Variants in TNFRSF21 observed in about 807,000 individuals in gnomAD.
TNFRSF21 encodes the protein TNF receptor superfamily member 21, also known as tumor necrosis factor receptor superfamily member 21.
TNFRSF21 carries 19 observed loss-of-function variants against 45.6 expected under a neutral mutation model. The ratio of observed to expected loss-of-function variants is 0.42; its 90% CI spans 0.29 to 0.61. The LOEUF is 0.61. Ranked by LOEUF, TNFRSF21 falls within the 20% of genes least tolerant of loss-of-function variation. The pLI, the probability that TNFRSF21 is intolerant of heterozygous loss-of-function variation, is 0.23. For missense variants in TNFRSF21, 737 were observed against 851.5 expected, an observed-to-expected ratio of 0.87 and a Z score of 1.67; for synonymous variants, 314 against 335.5, an observed-to-expected ratio of 0.94 and a Z score of 0.70.
intron 4 of TNFRSF21, among the ~76,000 whole-genome samples, chr6:47,241,796 C>T (rs542190467): frequency 3.3e-5 from 5 of 152,176 alleles, no homozygotes; most frequent in African/African-American, 9.6e-5. Flanking sequence ...GAAAAATTCC[C>T]CAAACTTTTC....
chr6:47,299,602 G>A (rs1052876195), intron 1 of TNFRSF21, among the ~76,000 whole-genome samples: 1 of 152,054 alleles, frequency 6.6e-6, no homozygotes. Context: ...TGCAAATGTG[G>A]CTAACATAAC....
chr6:47,232,762 G>C lies in TNFRSF21; in HGVS notation c.*3C>G, dbSNP rs376942925. On this transcript the variant is annotated 3_prime_UTR_variant, in exon 6 of 6. Transcript: ENST00000296861. ...AATTTCCAGAATGCAGTATCCCTAT[G>C]TTCTACAGCAGGTCAGGAAGATGGC... is the stretch of plus-strand genomic sequence containing the variant. 6.2e-7 allele frequency: 1 copy of C among 1,613,534 alleles called. No individual in the cohort carries two copies. Among genetic ancestry groups the C allele is most frequent in the Non-Finnish European group, 8.5e-7 (1 of 1,179,576 alleles).
chr6:47,252,396 T>C (rs1413475548), intron 4 of TNFRSF21, among the ~76,000 whole-genome samples: 1 of 152,188 alleles, frequency 6.6e-6, no homozygotes, highest in Admixed American at 6.5e-5. Context: ...CTGTGGAAAA[T>C]ATGATTCAAT....
chr6:47,308,829 AG>A (rs1393874139), intron 1 of TNFRSF21, among the ~76,000 whole-genome samples: 1 of 152,212 alleles, frequency 6.6e-6, no homozygotes, highest in Admixed American at 6.5e-5. Flanking sequence ...AAGAGGGAAG[AG>A]AGAGGGTAAA....
rs138052828 is a variant in TNFRSF21, at chr6:47,286,236, C to G, written c.456G>C (p.Val152=). ...ATCAPHTVCP[V]GWGVRKKGTE... is the part of the protein sequence containing the mutation. ...TCCCTTTCTTCCGCACACCCCAACCCACAGGACACACCGTATGGGGGGCAC... is the reference window on the plus strand; with the variant it reads ...TCCCTTTCTTCCGCACACCCCAACCGACAGGACACACCGTATGGGGGGCAC... Residue 152 remains valine, a synonymous_variant, in exon 2 of 6, where the codon GTG becomes GTC. Transcript: ENST00000296861. 2.2e-5 allele frequency: 35 copies of G among 1,614,102 alleles called. No homozygotes were observed. The highest frequency in any genetic ancestry group is 2.7e-5 in the Non-Finnish European group (32 of 1,180,036).
chr6:47,293,011 GTTTACAATTA>G (rs1762749248), intron 1 of TNFRSF21, among the ~76,000 whole-genome samples: 1 of 152,280 alleles, frequency 6.6e-6, no homozygotes, highest in Admixed American at 6.5e-5. Context: ...CCCTCTAAGT[GTTTACAATTA>G]TTTCTGTCAA....
intron 4 of TNFRSF21, among the ~76,000 whole-genome samples, chr6:47,242,237 C>T (rs1308494786): frequency 6.6e-6 from 1 of 152,060 alleles, no homozygotes; most frequent in Non-Finnish European, 1.5e-5. Flanking sequence ...AAAAACACTC[C>T]CACTCACCCC....
At chr6:47,309,064 G>A (rs1448358930) in intron 1 of TNFRSF21, among the ~76,000 whole-genome samples, 1 of 152,204 alleles carries the variant, frequency 6.6e-6, no homozygotes, top group Non-Finnish European at 1.5e-5. Flanking sequence ...CGATGGGTGG[G>A]GGGCTGTGGC....
At chr6:47,307,525 C>T (rs934054059) in intron 1 of TNFRSF21, among the ~76,000 whole-genome samples, 1 of 152,020 alleles carries the variant, frequency 6.6e-6, no homozygotes, top group East Asian at 1.9e-4. Flanking sequence ...CATACAGGCG[C>T]ACACCACCGC....
intron 4 of TNFRSF21, among the ~76,000 whole-genome samples, chr6:47,240,766 C>G (rs1415964136): frequency 6.6e-6 from 1 of 152,082 alleles, no homozygotes; most frequent in African/African-American, 2.4e-5. Context: ...GATGACTGCG[C>G]TAAGATAAAT....
In TNFRSF21 at chr6:47,240,872, T is replaced by TA. The variant is rs149491182; in HGVS notation, c.1510-5975dup. Among the ~76,000 whole-genome samples the TA allele has an allele frequency of 6.4e-4, 98 of 152,290 alleles. 1 individual carries two copies. The East Asian group carries it at 0.018, about 28-fold the overall frequency. Reference sequence around the variant, plus strand: ...AGATCCCAACAGACAAGTGGCTGGTTAAAAAAACAAACAAACAAATTCAAT... The same window carrying TA: ...AGATCCCAACAGACAAGTGGCTGGTTAAAAAAAACAAACAAACAAATTCAAT... On this transcript the variant is annotated intron_variant, in intron 4 of 5. Transcript: ENST00000296861.
intron 4 of TNFRSF21, among the ~76,000 whole-genome samples, chr6:47,239,922 G>A (rs745927864): frequency 7.9e-5 from 12 of 151,576 alleles, no homozygotes; most frequent in African/African-American, 1.2e-4. Flanking sequence ...CCTGCTCAAC[G>A]AAAGTTTACC....
intron 4 of TNFRSF21, among the ~76,000 whole-genome samples, chr6:47,235,348 T>C (rs767739954): frequency 2.6e-5 from 4 of 152,014 alleles, no homozygotes; most frequent in Non-Finnish European, 5.9e-5. Context: ...TACAGTAAAA[T>C]GAGGTCTTTA....
intron 4 of TNFRSF21, among the ~76,000 whole-genome samples, chr6:47,239,476 T>G (rs1188426531): frequency 6.6e-6 from 1 of 152,054 alleles, no homozygotes; most frequent in Non-Finnish European, 1.5e-5. Flanking sequence ...CTTCCAAATT[T>G]TATTCATGAC....
At chr6:47,291,487 C>T (rs550589281) in intron 1 of TNFRSF21, among the ~76,000 whole-genome samples, 30 of 152,188 alleles carry the variant, frequency 2.0e-4, no homozygotes, top group African/African-American at 7.2e-4. Context: ...AATGGAGAGA[C>T]GGTGACAGAT....
intron 1 of TNFRSF21, among the ~76,000 whole-genome samples, chr6:47,303,666 T>C (rs916226813): frequency 1.3e-5 from 2 of 152,206 alleles, no homozygotes; most frequent in African/African-American, 2.4e-5. Context: ...CTCACTGATA[T>C]CTGCCAGGTT....
intron 3 of TNFRSF21, among the ~76,000 whole-genome samples, chr6:47,268,434 G>A (rs1437983460): frequency 6.6e-6 from 1 of 152,182 alleles, no homozygotes; most frequent in Non-Finnish European, 1.5e-5. Context: ...CTGAGTTAAA[G>A]TCAGAGAATG....
intron 3 of TNFRSF21, among the ~76,000 whole-genome samples, chr6:47,277,250 C>T (rs1762512302): frequency 6.6e-6 from 1 of 152,216 alleles, no homozygotes; most frequent in South Asian, 2.1e-4. Context: ...GCCTCGGCCT[C>T]CAAAGTGCTG....
At chr6:47,297,303 T>C (rs1762801644) in intron 1 of TNFRSF21, among the ~76,000 whole-genome samples, 1 of 152,188 alleles carries the variant, frequency 6.6e-6, no homozygotes, top group East Asian at 1.9e-4. Flanking sequence ...TAGCAATACC[T>C]ACTCTTCAAA....
Sources: allele counts gnomAD v4.1 joint callset (sites outside exome capture counted in the v4.1 genomes callset), GRCh38; gene constraint gnomAD v4.1.1; transcripts MANE v1.5; gene names NCBI Gene and HGNC (gene_info 2026-07-23, HGNC 2026-07-21).